TCF7L2: variants seen among roughly 807,000 people sequenced by gnomAD.
TCF7L2 encodes transcription factor 7 like 2, also known as transcription factor 7-like 2.
In TCF7L2, 23 loss-of-function variants were observed where a neutral mutation model predicts 77.9. The observed-to-expected ratio is 0.30, with a 90% CI of 0.21 to 0.42. The LOEUF (loss-of-function observed/expected upper bound fraction) is 0.42. Ranked by LOEUF, TCF7L2 falls within the 10% of genes least tolerant of loss-of-function variation. TCF7L2 has a pLI of 1.00. For missense variants in TCF7L2, 654 were observed against 793.1 expected (o/e 0.82, Z 2.11); for synonymous variants, 413 against 340.2 (o/e 1.21, Z -2.36).
intron 5 of TCF7L2, among the ~76,000 whole-genome samples, chr10:113,131,065 C>T (rs998693996): frequency 8.5e-5 from 13 of 152,096 alleles, no homozygotes; most frequent in East Asian, 1.9e-4. Flanking sequence ...CGTGCCCGGC[C>T]GGAGTGATTA....
At chr10:112,983,652 C>G (rs1406461257) in intron 4 of TCF7L2, among the ~76,000 whole-genome samples, 1 of 152,146 alleles carries the variant, frequency 6.6e-6, no homozygotes, top group African/African-American at 2.4e-5. Flanking sequence ...AAGCGTGTAA[C>G]AGCCTCCAAT....
intron 5 of TCF7L2, among the ~76,000 whole-genome samples, chr10:113,062,514 C>G: frequency 6.6e-6 from 1 of 151,976 alleles, no homozygotes; most frequent in Admixed American, 6.6e-5. Flanking sequence ...ACATTTCTTT[C>G]TTGTGTGGTT....
intron 5 of TCF7L2, among the ~76,000 whole-genome samples, chr10:113,108,646 C>T (rs1050104047): frequency 1.3e-5 from 2 of 152,212 alleles, no homozygotes; most frequent in African/African-American, 4.8e-5. Flanking sequence ...AGGCTGGCAG[C>T]ACCGCGGGGC....
intron 5 of TCF7L2, among the ~76,000 whole-genome samples, chr10:113,070,527 C>G (rs142686130): frequency 1.1e-4 from 16 of 152,020 alleles, no homozygotes; most frequent in African/African-American, 3.6e-4. Context: ...GAGAGCCCTG[C>G]GGGAATCATC....
intron 4 of TCF7L2, among the ~76,000 whole-genome samples, chr10:112,971,172 C>G (rs2038160342): frequency 6.6e-6 from 1 of 152,194 alleles, no homozygotes; most frequent in African/African-American, 2.4e-5. Flanking sequence ...TCTCACCAAG[C>G]TTAAATTCTA....
chr10:112,979,977 T>C (rs1370210684), intron 4 of TCF7L2, among the ~76,000 whole-genome samples: 1 of 152,196 alleles, frequency 6.6e-6, no homozygotes, highest in Non-Finnish European at 1.5e-5. Context: ...TAAGAACAAG[T>C]AAGTACTATT....
At chr10:113,133,503 T>C (rs2066922891) in intron 5 of TCF7L2, among the ~76,000 whole-genome samples, 1 of 152,162 alleles carries the variant, frequency 6.6e-6, no homozygotes, top group African/African-American at 2.4e-5. Context: ...TTTGGTGTGT[T>C]ACCAGCTGGG....
intron 4 of TCF7L2, among the ~76,000 whole-genome samples, chr10:112,966,945 T>C (rs2037069392): frequency 6.6e-6 from 1 of 152,238 alleles, no homozygotes; most frequent in Non-Finnish European, 1.5e-5. Context: ...CCCAGCACCA[T>C]GCTTTTGCAG....
At chr10:113,067,601 C>T (rs900801593) in intron 5 of TCF7L2, among the ~76,000 whole-genome samples, 1 of 152,116 alleles carries the variant, frequency 6.6e-6, no homozygotes, top group African/African-American at 2.4e-5. Flanking sequence ...GATATAATTA[C>T]GTTTAGATTT....
chr10:113,059,353 C>T (rs1326462680), intron 5 of TCF7L2, among the ~76,000 whole-genome samples: 4 of 150,758 alleles, frequency 2.7e-5, no homozygotes, highest in Non-Finnish European at 5.9e-5. Context: ...CACCCCCCAC[C>T]CTTTTTGGCA....
At chr10:113,075,862 C>T (rs1007547817) in intron 5 of TCF7L2, among the ~76,000 whole-genome samples, 2 of 152,120 alleles carry the variant, frequency 1.3e-5, no homozygotes, top group African/African-American at 4.8e-5. Flanking sequence ...AAGACAGGAT[C>T]TTACAGCCGG....
At chr10:113,135,861 T>C (rs1012172993) in intron 5 of TCF7L2, among the ~76,000 whole-genome samples, 3 of 152,080 alleles carry the variant, frequency 2.0e-5, no homozygotes, top group Non-Finnish European at 4.4e-5. Context: ...TGGTCTAGGA[T>C]GCAGTGATTG....
intron 5 of TCF7L2, chr10:113,129,955 T>C (rs1488884677): frequency 3.1e-6 from 4 of 1,290,100 alleles, no homozygotes; most frequent in Non-Finnish European, 4.0e-6. Context: ...GTTCCAGCAG[T>C]TGGGCGGTTG....
chr10:113,091,679 C>T (rs921088371), intron 5 of TCF7L2, among the ~76,000 whole-genome samples: 9 of 152,344 alleles, frequency 5.9e-5, no homozygotes, highest in African/African-American at 2.2e-4. Flanking sequence ...TGAGATCACA[C>T]CACTGCACTC....
chr10:113,153,050 G>C (rs529072122), intron 11 of TCF7L2, among the ~76,000 whole-genome samples: 1 of 152,206 alleles, frequency 6.6e-6, no homozygotes, highest in African/African-American at 2.4e-5. Flanking sequence ...TCTGGCCCCA[G>C]CAAGGGCAGG....
intron 4 of TCF7L2, among the ~76,000 whole-genome samples, chr10:112,974,965 C>T: frequency 7.4e-6 from 1 of 135,572 alleles, no homozygotes. Flanking sequence ...TAAGTGGTTG[C>T]TTCTTTTTTT....
intron 11 of TCF7L2, among the ~76,000 whole-genome samples, chr10:113,156,115 C>CTTTT (rs35516476): frequency 4.1e-5 from 5 of 120,720 alleles, no homozygotes; most frequent in Admixed American, 8.3e-5. Context: ...TTCTTTCTTT[C>CTTTT]TTTTTTTTTT....
intron 5 of TCF7L2, among the ~76,000 whole-genome samples, chr10:113,104,574 A>G (rs892913277): frequency 8.5e-5 from 13 of 152,316 alleles, no homozygotes; most frequent in Middle Eastern, 3.4e-3. Context: ...CCATAGTGTC[A>G]TATACCATAC....
chr10:113,031,031 C>T (rs540082486), intron 4 of TCF7L2, among the ~76,000 whole-genome samples: 1 of 152,204 alleles, frequency 6.6e-6, no homozygotes, highest in African/African-American at 2.4e-5. Context: ...TGCCTGGGCA[C>T]CCATTGGCCA....
Sources: gnomAD v4.1 joint callset for allele counts (sites outside exome capture counted in the v4.1 genomes callset) on GRCh38, gnomAD v4.1.1 for gene constraint, MANE v1.5 for transcripts, NCBI Gene and HGNC (gene_info 2026-07-23, HGNC 2026-07-21) for gene names.